SV2C: variants seen among roughly 807,000 people sequenced by gnomAD.
The protein encoded by SV2C is synaptic vesicle glycoprotein 2C, also known as solute carrier family 22 member B3.
SV2C carries 49 observed loss-of-function variants against 79.7 expected under a neutral mutation model. The ratio of observed to expected loss-of-function variants is 0.61; its 90% confidence interval spans 0.49 to 0.78. The LOEUF is 0.78. Among genes scored for constraint, SV2C ranks in the 30% least tolerant of loss-of-function variants. The pLI is 0.00. For missense variants in SV2C, 833 were observed against 912.9 expected, an observed-to-expected ratio of 0.91 and a Z score of 1.13; for synonymous variants, 334 against 333.2, an observed-to-expected ratio of 1.00 and a Z score of -0.03.
intron 2 of SV2C, among the ~76,000 whole-genome samples, chr5:76,176,691 C>T (rs192755850): frequency 8.3e-4 from 127 of 152,244 alleles, no homozygotes; most frequent in Middle Eastern, 6.8e-3. Context: ...CTTTCTAACC[C>T]CCAATCACTG....
the SV2C span, among the ~76,000 whole-genome samples, chr5:76,025,528 G>A: frequency 6.6e-6 from 1 of 152,092 alleles, no homozygotes; most frequent in Admixed American, 6.5e-5. Flanking sequence ...GGATGTAGTA[G>A]GAAAACATTT....
chr5:75,976,702 A>G, the SV2C span, among the ~76,000 whole-genome samples: 2 of 152,236 alleles, frequency 1.3e-5, no homozygotes, highest in African/African-American at 4.8e-5. Context: ...AGTTAAGTTC[A>G]GTAAGTTCTT....
At chr5:76,012,436 G>C in the SV2C span, among the ~76,000 whole-genome samples, 1 of 152,044 alleles carries the variant, frequency 6.6e-6, no homozygotes, top group East Asian at 1.9e-4. Context: ...CATATCCTTC[G>C]CCCACTTTTC....
At chr5:76,093,068 A>T (rs1747432858) in intron 1 of SV2C, among the ~76,000 whole-genome samples, 1 of 152,136 alleles carries the variant, frequency 6.6e-6, no homozygotes, top group South Asian at 2.1e-4. Flanking sequence ...CTTTTTTATT[A>T]AGGTATATTA....
the SV2C span, among the ~76,000 whole-genome samples, chr5:75,937,262 T>C: frequency 2.6e-3 from 400 of 152,362 alleles, 5 homozygotes; most frequent in East Asian, 0.023. Flanking sequence ...TTTGTGAAGT[T>C]TGGATCAGCT....
At chr5:76,261,911 A>T (rs1746483191) in intron 4 of SV2C, among the ~76,000 whole-genome samples, 1 of 151,984 alleles carries the variant, frequency 6.6e-6, no homozygotes, top group Admixed American at 6.6e-5. Context: ...TTCCTTTTTC[A>T]GTTGTGTCTC....
chr5:76,158,053 A>T (rs1239527503), intron 2 of SV2C, among the ~76,000 whole-genome samples: 2 of 151,824 alleles, frequency 1.3e-5, no homozygotes, highest in Non-Finnish European at 3.0e-5. Context: ...TAAAAAAAAA[A>T]TCCTTAAAGA....
At chr5:76,116,830 G>C (rs1748283086) in intron 1 of SV2C, among the ~76,000 whole-genome samples, 1 of 152,182 alleles carries the variant, frequency 6.6e-6, no homozygotes, top group African/African-American at 2.4e-5. Context: ...CCCCCAAAGA[G>C]CTATGAGATC....
At chr5:76,083,073 C>G (rs1429467807), upstream of SV2C, 6 of 152,428 alleles carry the variant, frequency 3.9e-5, no homozygotes, top group African/African-American at 7.2e-5. Flanking sequence ...GCTACAAACT[C>G]AGAGCCCTGA....
intron 1 of SV2C, among the ~76,000 whole-genome samples, chr5:76,111,545 A>G (rs1258673677): frequency 6.6e-6 from 1 of 152,132 alleles, no homozygotes; most frequent in African/African-American, 2.4e-5. Flanking sequence ...GTCTGTTATA[A>G]TTAGATTCCA....
chr5:76,190,831 T>A (rs944833969), intron 2 of SV2C, among the ~76,000 whole-genome samples: 1 of 152,254 alleles, frequency 6.6e-6, no homozygotes, highest in Non-Finnish European at 1.5e-5. Context: ...TCAGTCCATA[T>A]TATTCTTTTC....
At chr5:75,885,047 A>C in the SV2C span, among the ~76,000 whole-genome samples, 1 of 152,174 alleles carries the variant, frequency 6.6e-6, no homozygotes, top group Non-Finnish European at 1.5e-5. Context: ...AACAAGTGAA[A>C]ATTATTACAT....
chr5:75,996,087 A>G, the SV2C span, among the ~76,000 whole-genome samples: 1 of 152,140 alleles, frequency 6.6e-6, no homozygotes, highest in Non-Finnish European at 1.5e-5. Flanking sequence ...GAAAGTCCCT[A>G]GGTTTTCTTC....
intron 6 of SV2C, among the ~76,000 whole-genome samples, chr5:76,287,116 G>A (rs1747382771): frequency 6.6e-6 from 1 of 152,098 alleles, no homozygotes; most frequent in Admixed American, 6.5e-5. Context: ...TTTCAGGAAA[G>A]GCCAATTTTA....
At chr5:76,242,717 G>A (rs1393277831) in intron 4 of SV2C, among the ~76,000 whole-genome samples, 4 of 152,066 alleles carry the variant, frequency 2.6e-5, no homozygotes, top group Admixed American at 1.3e-4. Flanking sequence ...TAATCTTGGA[G>A]CATTTTGTTT....
the SV2C span, among the ~76,000 whole-genome samples, chr5:75,944,618 A>C: frequency 6.6e-6 from 1 of 152,182 alleles, no homozygotes; most frequent in Non-Finnish European, 1.5e-5. Flanking sequence ...GAAGGGTTTC[A>C]TGGATTTTTT....
At chr5:76,315,188 GCACA>G (rs10606819) in intron 12 of SV2C, among the ~76,000 whole-genome samples, 4,534 of 145,064 alleles carry the variant, frequency 0.031, 180 homozygotes, top group African/African-American at 0.096. Flanking sequence ...ATGGCCAGGC[GCACA>G]CACACACACA....
chr5:76,019,003 G>A, the SV2C span, among the ~76,000 whole-genome samples: 1 of 152,176 alleles, frequency 6.6e-6, no homozygotes, highest in African/African-American at 2.4e-5. Flanking sequence ...ATCCTTTTGA[G>A]TGTGGTATTA....
intron 12 of SV2C, among the ~76,000 whole-genome samples, chr5:76,304,071 T>G (rs1748104147): frequency 6.6e-6 from 1 of 152,198 alleles, no homozygotes; most frequent in Non-Finnish European, 1.5e-5. Flanking sequence ...TCAGGTCCAG[T>G]CATTGTCTGG....
Sources: allele counts gnomAD v4.1 joint callset (sites outside exome capture counted in the v4.1 genomes callset), GRCh38; gene constraint gnomAD v4.1.1; transcripts MANE v1.5; gene names NCBI Gene and HGNC (gene_info 2026-07-23, HGNC 2026-07-21).